The following SP1 variants were observed in gnomAD, a reference collection of about 807,000 sequenced individuals.
SP1 encodes transcription factor Sp1.
Under a neutral mutation model 66.3 loss-of-function variants are expected in SP1, and 6 were observed. That is an observed-to-expected ratio of 0.09 (90% CI 0.05 to 0.18). The LOEUF is 0.18. SP1 is among the 10% of genes least tolerant of loss of function. The probability of loss-of-function intolerance (pLI) is 1.00; values close to 1 mark genes in which losing one functional copy is unlikely to be tolerated. For missense variants in SP1, 848 were observed against 964.5 expected, an observed-to-expected ratio of 0.88 and a Z score of 1.60; for synonymous variants, 417 against 360.8, an observed-to-expected ratio of 1.16 and a Z score of -1.77.
In SP1 at chr12:53,385,409, C is replaced by T. The variant is rs1167022457; in HGVS notation, c.1675+1787C>T. Among the ~76,000 whole-genome samples, 10 of 149,264 alleles carry T rather than the reference C, an allele frequency of 6.7e-5. No individual in the cohort carries two copies. In the East Asian group the frequency reaches 1.8e-3, roughly 27 times the overall value. ...AAGAGATCGAGACCATCCTGGCTAA[C>T]ACTGTGAAACCCTGTCTCTACTAAA... On this transcript the variant is annotated intron_variant, in intron 3 of 5. Coordinates refer to ENST00000327443, the MANE Select transcript of SP1 (RefSeq NM_138473.3).
chr12:53,399,700 G>A (rs189562223), intron 3 of SP1, among the ~76,000 whole-genome samples: 6 of 151,272 alleles, frequency 4.0e-5, no homozygotes, highest in Admixed American at 6.6e-5. Context: ...GCAGTGGCAC[G>A]ATCTCCGGCT....
chr12:53,393,283 C>CTTTTTTCTTTCTTTCTT, intron 3 of SP1, among the ~76,000 whole-genome samples: 1 of 152,072 alleles, frequency 6.6e-6, no homozygotes, highest in African/African-American at 2.4e-5. Flanking sequence ...ACCCCCATCT[C>CTTTTTTCTTTCTTTCTT]TTTTTTCTTT....
rs1439407174 is a variant in SP1 at position 53,414,835 on chromosome 12, G to T, written c.*3595G>T. ...CTTAGGGGGAGCCCTGGTGCTACTT[G>T]CTTGAAGTTTTCAGTGTAAGTACCC... is the stretch of plus-strand genomic sequence containing the variant. On this transcript the variant is annotated 3_prime_UTR_variant, in exon 6 of 6. Transcript: ENST00000327443. 2 of 152,534 alleles carry T rather than the reference G, an allele frequency of 1.3e-5. No homozygotes were observed. Among genetic ancestry groups the T allele is most frequent in the Non-Finnish European group, 2.9e-5 (2 of 68,038 alleles). 9.4% of individuals were successfully genotyped at this position (152,534 alleles called of 1,614,324 possible).
In SP1 at chr12:53,414,311, A is replaced by C. The variant is rs1426995359; in HGVS notation, c.*3071A>C. The C allele has an allele frequency of 6.6e-6, 1 of 152,594 alleles. No homozygotes were observed. Among genetic ancestry groups the C allele is most frequent in the African/African-American group, 2.4e-5 (1 of 41,442 alleles). 9.5% of individuals were successfully genotyped at this position (152,594 alleles called of 1,614,324 possible). A position where few individuals can be genotyped will look rare whatever the true frequency, so the allele number is the denominator to read the frequency against. On this transcript the variant is annotated 3_prime_UTR_variant, in exon 6 of 6. Transcript: ENST00000327443. ...TTTCAGGTTTTCAGGTTGCCCATTT[A>C]TATTCATTTACATGTCATTTGACTG...
At chr12:53,409,319 T>A in intron 4 of SP1, 43 bp from the exon 5 acceptor site, 1 of 1,543,124 alleles carries the variant, frequency 6.5e-7, no homozygotes, top group Non-Finnish European at 8.9e-7. Context: ...GTTCTTTAGT[T>A]TTCTCTAGAA....
chr12:53,386,479 CTT>C (rs372557385), intron 3 of SP1, among the ~76,000 whole-genome samples: 16 of 121,222 alleles, frequency 1.3e-4, no homozygotes, highest in Non-Finnish European at 1.7e-4. Flanking sequence ...TAGACTGTAT[CTT>C]TTTTTTTTTT....
intron 5 of SP1, among the ~76,000 whole-genome samples, chr12:53,410,422 C>G (rs948884565): frequency 2.0e-5 from 3 of 152,310 alleles, no homozygotes; most frequent in African/African-American, 7.2e-5. Context: ...CTGCTAAGTT[C>G]TACCTTCCTT....
In SP1 at chr12:53,380,266, C is replaced by A. The variant is rs376293278; in HGVS notation, c.-26C>A. On this transcript the variant is annotated 5_prime_UTR_variant, in exon 1 of 6. Coordinates refer to ENST00000327443, the MANE Select transcript of SP1 (RefSeq NM_138473.3). The stretch of plus-strand genomic sequence containing the variant: ...CCCCAACCCCCCCGGACAGGACCCC[C>A]TTGAGCTTGTCCCTCAGCTGCCACC... The A allele has an allele frequency of 2.0e-5, 32 of 1,592,800 alleles. No homozygotes were observed. Among genetic ancestry groups the A allele is most frequent in the Admixed American group, 3.4e-5 (2 of 59,594 alleles).
rs1435910002 is a variant in SP1 at position 53,416,394 on chromosome 12, A to G, written c.*5154A>G. 2 of 146,482 alleles carry G rather than the reference A, an allele frequency of 1.4e-5. No individual in the cohort carries two copies. Among genetic ancestry groups the G allele is most frequent in the Admixed American group, 7.0e-5 (1 of 14,374 alleles). 9.1% of individuals were successfully genotyped at this position (146,482 alleles called of 1,614,324 possible). A position where few individuals can be genotyped will look rare whatever the true frequency, so the allele number is the denominator to read the frequency against. The stretch of plus-strand genomic sequence containing the variant: ...GCCTTTTGTACAAAGATTAGTTTCA[A>G]TGTAGTCTGTAGCCTCCTTTGTAAA... On this transcript the variant is annotated 3_prime_UTR_variant, in exon 6 of 6. Transcript: ENST00000327443.
Position 53,382,918 on chromosome 12 carries a change from C to T in SP1, c.971C>T (p.Ala324Val), listed in dbSNP as rs1321765343. The change falls in exon 3 of 6, where the codon GCC becomes GTC. Residue 324 changes from alanine (A) to valine (V), a missense_variant. Physicochemically the swap from Ala to Val is moderately conservative, Grantham distance 64. Coordinates refer to ENST00000327443, the MANE Select transcript of SP1 (RefSeq NM_138473.3). ...AGTTCCAGCTCCTTTTTCACCAATG[C>T]CAATAGCTACTCAACTACTACTACC... is the stretch of plus-strand genomic sequence containing the variant. ...QASSSSFFTNANSYSTTTTTS... is the reference protein window; with the variant it reads ...QASSSSFFTNVNSYSTTTTTS... 2 of 1,614,150 alleles carry T rather than the reference C, an allele frequency of 1.2e-6. No individual in the cohort carries two copies. Among genetic ancestry groups the T allele is most frequent in the South Asian group, 2.2e-5 (2 of 91,090 alleles).
chr12:53,404,763 G>A (rs75261027), intron 3 of SP1, among the ~76,000 whole-genome samples: 11,979 of 151,756 alleles, frequency 0.079, 633 homozygotes, highest in Non-Finnish European at 0.12. Context: ...AAACACCTTG[G>A]CTCAAGCAAT....
At chr12:53,389,627 G>A (rs1186038043) in intron 3 of SP1, among the ~76,000 whole-genome samples, 2 of 151,146 alleles carry the variant, frequency 1.3e-5, no homozygotes, top group East Asian at 3.9e-4. Flanking sequence ...TTTTTAAATT[G>A]ACACCCCTCC....
intron 3 of SP1, among the ~76,000 whole-genome samples, chr12:53,396,282 A>G (rs1387400475): frequency 1.3e-5 from 2 of 149,594 alleles, no homozygotes; most frequent in Non-Finnish European, 3.0e-5. Flanking sequence ...CTCAAAAAAA[A>G]AAAAAAGCCA....
chr12:53,390,262 T>G (rs1490747010), intron 3 of SP1, among the ~76,000 whole-genome samples: 1 of 152,226 alleles, frequency 6.6e-6, no homozygotes, highest in East Asian at 1.9e-4. Context: ...CTTGTTTCTC[T>G]TTTTAATTTA....
At chr12:53,380,321 C>CT in intron 1 of SP1, 23 bp downstream of exon 1, 1 of 1,560,134 alleles carries the variant, frequency 6.4e-7, no homozygotes, top group Non-Finnish European at 8.7e-7. Flanking sequence ...CCACTCCAAG[C>CT]TTAGGGGTGG....
At chr12:53,384,029 G>A (rs1938169948) in intron 3 of SP1, among the ~76,000 whole-genome samples, 1 of 151,172 alleles carries the variant, frequency 6.6e-6, no homozygotes, top group Admixed American at 6.6e-5. Flanking sequence ...GAGTGCAGTG[G>A]CGCGATCTCG....
intron 4 of SP1, among the ~76,000 whole-genome samples, chr12:53,407,060 G>C (rs951698873): frequency 6.6e-6 from 1 of 151,698 alleles, no homozygotes; most frequent in Non-Finnish European, 1.5e-5. Flanking sequence ...TCCTGACCTC[G>C]TGATCTGCCC....
intron 3 of SP1, among the ~76,000 whole-genome samples, chr12:53,395,756 A>G (rs933362089): frequency 1.3e-5 from 2 of 151,846 alleles, no homozygotes; most frequent in African/African-American, 4.8e-5. Context: ...TCAGGAGGTC[A>G]GGAGATCGAG....
chr12:53,380,283 G>A lies in SP1; in HGVS notation c.-9G>A. Reference sequence around the variant, plus strand: ...AGGACCCCCTTGAGCTTGTCCCTCAGCTGCCACCATGAGCGGTAAGGATGA... The same window carrying A: ...AGGACCCCCTTGAGCTTGTCCCTCAACTGCCACCATGAGCGGTAAGGATGA... On this transcript the variant is annotated 5_prime_UTR_variant, in exon 1 of 6. Coordinates refer to ENST00000327443, the MANE Select transcript of SP1 (RefSeq NM_138473.3). 5.3e-6 allele frequency: 7 copies of A among 1,325,858 alleles called. No homozygotes were observed. The highest frequency in any genetic ancestry group is 7.3e-6 in the Non-Finnish European group (7 of 963,380). The allele number at this position is 1,325,858 out of a possible 1,614,324, so 82.1% of individuals were successfully genotyped here.
Sources: gnomAD v4.1 joint callset for allele counts (sites outside exome capture counted in the v4.1 genomes callset) on GRCh38, gnomAD v4.1.1 for gene constraint, MANE v1.5 for transcripts, NCBI Gene and HGNC (gene_info 2026-07-23, HGNC 2026-07-21) for gene names.